USH2A: variants seen among roughly 807,000 people sequenced by gnomAD.
USH2A encodes the protein Usher syndrome 2A (autosomal recessive, mild).
Under a neutral mutation model 538.9 loss-of-function variants are expected in USH2A, and 443 were observed. That is an observed-to-expected ratio of 0.82 (90% CI 0.76 to 0.89). The LOEUF is 0.89. Ranked by LOEUF, USH2A falls within the 40% of genes least tolerant of loss-of-function variation. The probability of loss-of-function intolerance (pLI) is 0.00; values close to 1 mark genes in which losing one functional copy is unlikely to be tolerated. For missense variants in USH2A, 6,633 were observed against 6,324.8 expected (o/e 1.05, Z -1.65); for synonymous variants, 2,413 against 2,273.5 (o/e 1.06, Z -1.75).
intron 58 of USH2A, among the ~76,000 whole-genome samples, chr1:215,751,325 T>G (rs1216784333): frequency 6.6e-6 from 1 of 152,052 alleles, no homozygotes; most frequent in Non-Finnish European, 1.5e-5. Flanking sequence ...TTTAATGGAG[T>G]AAGATATTAA....
intron 54 of USH2A, 119 bp downstream of exon 54, chr1:215,781,923 T>TA: frequency 7.2e-7 from 1 of 1,390,076 alleles, no homozygotes. Flanking sequence ...ACACGCTACT[T>TA]AACACCACTT....
At chr1:215,873,199 T>A (rs1664668677) in intron 43 of USH2A, among the ~76,000 whole-genome samples, 1 of 152,174 alleles carries the variant, frequency 6.6e-6, no homozygotes, top group South Asian at 2.1e-4. Context: ...TTACTCCTTT[T>A]GAATTAAGTG....
chr1:215,893,546 T>C (rs1241825622), intron 40 of USH2A, among the ~76,000 whole-genome samples: 2 of 152,202 alleles, frequency 1.3e-5, no homozygotes, highest in African/African-American at 4.8e-5. Flanking sequence ...ATACTTTTCC[T>C]GCTAAAGTGT....
Position 216,083,574 on chromosome 1 carries a change from A to C in USH2A, c.5180T>G (p.Leu1727Arg). Residue 1727 changes from leucine to arginine, a missense_variant, in exon 26 of 72, where the codon CTT (leucine) becomes CGT (arginine). By Grantham distance (102) the Leu-to-Arg change is moderately radical. Transcript: ENST00000307340. ...AQFLGAGFLELHPYMFHGGMN... is the reference protein window; with the variant it reads ...AQFLGAGFLERHPYMFHGGMN... ...TCCACCATGAAACATATATGGATGA[A>C]GTTCCAGGAACCCTTTAAAGATAAA... 6.2e-7 allele frequency: 1 copy of C among 1,612,314 alleles called. No homozygotes were observed. The highest frequency in any genetic ancestry group is 8.5e-7 in the Non-Finnish European group (1 of 1,179,026).
intron 47 of USH2A, among the ~76,000 whole-genome samples, chr1:215,822,690 G>C (rs1055680166): frequency 6.6e-6 from 1 of 151,952 alleles, no homozygotes; most frequent in African/African-American, 2.4e-5. Flanking sequence ...TCCTTGTCTT[G>C]TTCCAGTTCT....
At chr1:216,226,077 A>G (rs568461724) in intron 14 of USH2A, among the ~76,000 whole-genome samples, 2 of 152,330 alleles carry the variant, frequency 1.3e-5, no homozygotes, top group Middle Eastern at 3.4e-3. Flanking sequence ...CCAAAGGAAG[A>G]GGTAATTTTA....
intron 19 of USH2A, among the ~76,000 whole-genome samples, chr1:216,192,059 A>G (rs2034727352): frequency 2.0e-5 from 3 of 152,194 alleles, no homozygotes; most frequent in Admixed American, 2.0e-4. Flanking sequence ...TAAGTCTTAT[A>G]AAATCTATCT....
intron 24 of USH2A, among the ~76,000 whole-genome samples, chr1:216,086,121 C>T (rs995282846): frequency 7.2e-5 from 11 of 151,884 alleles, no homozygotes; most frequent in South Asian, 6.2e-4. Flanking sequence ...CATTCATGTT[C>T]ATTTTAATTA....
chr1:215,783,667 T>G (rs1285975466), intron 52 of USH2A, among the ~76,000 whole-genome samples: 1 of 152,258 alleles, frequency 6.6e-6, no homozygotes, highest in East Asian at 1.9e-4. Context: ...ATACCAATGC[T>G]ACACATTTCC....
chr1:216,151,892 T>A (rs1237663146), intron 21 of USH2A, among the ~76,000 whole-genome samples: 1 of 152,154 alleles, frequency 6.6e-6, no homozygotes, highest in South Asian at 2.1e-4. Context: ...TTAATACCCA[T>A]TTTTTTCCTT....
At chr1:216,243,983 T>C (rs140560943) in intron 13 of USH2A, among the ~76,000 whole-genome samples, 93 of 152,266 alleles carry the variant, frequency 6.1e-4, no homozygotes, top group African/African-American at 2.2e-3. Context: ...ATGAAGACAA[T>C]AGAAGCTTGA....
chr1:216,251,853 C>A (rs952669806), intron 11 of USH2A, among the ~76,000 whole-genome samples: 2 of 152,048 alleles, frequency 1.3e-5, no homozygotes, highest in East Asian at 3.9e-4. Context: ...ATGATATCAT[C>A]CCATAAACAG....
At chr1:215,998,809 G>A in intron 34 of USH2A, 78 bp downstream of exon 34, 2 of 1,490,900 alleles carry the variant, frequency 1.3e-6, no homozygotes, top group South Asian at 1.2e-5. Flanking sequence ...AAGTGAGAGA[G>A]AAAGAAAAGA....
chr1:216,296,581 T>C (rs1219938202), intron 9 of USH2A, among the ~76,000 whole-genome samples: 2 of 152,054 alleles, frequency 1.3e-5, no homozygotes, highest in Non-Finnish European at 2.9e-5. Context: ...CCAAAGAAAG[T>C]TGTTCTTGAG....
intron 49 of USH2A, among the ~76,000 whole-genome samples, chr1:215,807,666 T>G (rs1418174860): frequency 6.6e-6 from 1 of 152,114 alleles, no homozygotes; most frequent in African/African-American, 2.4e-5. Context: ...AGAGAATTGC[T>G]TGGCCTCATA....
chr1:216,322,288 C>G (rs539039905), intron 8 of USH2A, among the ~76,000 whole-genome samples: 1 of 152,168 alleles, frequency 6.6e-6, no homozygotes, highest in South Asian at 2.1e-4. Flanking sequence ...ATTTACTACA[C>G]TATTTAAAAT....
rs1645837331 is a variant in USH2A at position 216,423,233 on chromosome 1, A to T, written c.-224T>A. On this transcript the variant is annotated 5_prime_UTR_variant, in exon 1 of 72. Coordinates refer to ENST00000307340, the MANE Select transcript of USH2A (RefSeq NM_206933.4). ...AGTTACCATTTCTTTATTGCATTTC[A>T]ACCAGTCCCCTCAGTGTGACAAATG... 2 of 152,324 alleles carry T rather than the reference A, an allele frequency of 1.3e-5. No individual in the cohort carries two copies. Among genetic ancestry groups the T allele is most frequent in the South Asian group, 4.1e-4 (2 of 4,830 alleles). The allele number at this position is 152,324 out of a possible 1,614,324, so 9.4% of individuals were successfully genotyped here. A position where few individuals can be genotyped will look rare whatever the true frequency, so the allele number is the denominator to read the frequency against.
intron 62 of USH2A, among the ~76,000 whole-genome samples, chr1:215,677,544 C>T (rs976120584): frequency 6.6e-6 from 1 of 152,166 alleles, no homozygotes; most frequent in African/African-American, 2.4e-5. Flanking sequence ...GCATACTCTC[C>T]TTGTCGAGAT....
Position 215,629,055 on chromosome 1 carries a change from G to A in USH2A, c.15298-20C>T. ...TAACCCCTGAGAAGGAAGTTGCTGT[G>A]AGTATTTCACATATAAAGAATATGG... On this transcript the variant is annotated intron_variant, in intron 70 of 71. Coordinates refer to ENST00000307340, the MANE Select transcript of USH2A (RefSeq NM_206933.4). The A allele has an allele frequency of 6.2e-7, 1 of 1,606,724 alleles. No individual in the cohort carries two copies. The highest frequency in any genetic ancestry group is 8.5e-7 in the Non-Finnish European group (1 of 1,174,934).
Sources: allele counts gnomAD v4.1 joint callset (sites outside exome capture counted in the v4.1 genomes callset), GRCh38; gene constraint gnomAD v4.1.1; transcripts MANE v1.5; gene names NCBI Gene and HGNC (gene_info 2026-07-23, HGNC 2026-07-21).